The following OCA2 variants were observed in gnomAD, a reference collection of about 807,000 sequenced individuals.
OCA2 encodes the protein P protein.
Under a neutral mutation model 100.2 loss-of-function variants are expected in OCA2, and 77 were observed. The observed-to-expected ratio is 0.77, with a 90% confidence interval of 0.64 to 0.93. The LOEUF (loss-of-function observed/expected upper bound fraction) is 0.93. Ranked by LOEUF, OCA2 falls within the 40% of genes least tolerant of loss-of-function variation. The pLI, the probability that OCA2 is intolerant of heterozygous loss-of-function variation, is 0.00. For synonymous variants in OCA2, 432 were observed against 439.2 expected, an observed-to-expected ratio of 0.98 and a Z score of 0.21; for missense variants, 1,062 against 1,089.1, an observed-to-expected ratio of 0.98 and a Z score of 0.35.
chr15:28,051,656 G>A (rs1325408563), intron 2 of OCA2, among the ~76,000 whole-genome samples: 1 of 145,324 alleles, frequency 6.9e-6, no homozygotes, highest in African/African-American at 2.6e-5. Context: ...TGCCCAGGCT[G>A]GAGTGTAGTG....
At chr15:27,750,138 C>T (rs1340223231), downstream of OCA2, among the ~76,000 whole-genome samples, 1 of 152,182 alleles carries the variant, frequency 6.6e-6, no homozygotes, top group African/African-American at 2.4e-5. Flanking sequence ...TTAGTTGCCT[C>T]AGAAACTGAT....
intron 6 of OCA2, among the ~76,000 whole-genome samples, chr15:28,020,910 G>T (rs2042573422): frequency 6.6e-6 from 1 of 152,128 alleles, no homozygotes; most frequent in African/African-American, 2.4e-5. Context: ...CTGGTGCCCT[G>T]CTGGGTAGGT....
intron 12 of OCA2, 48 bp downstream of exon 12, chr15:27,986,539 T>A: frequency 9.3e-7 from 1 of 1,078,042 alleles, no homozygotes; most frequent in East Asian, 2.4e-5. Context: ...GAAAAATACA[T>A]ATATAAATTA....
At chr15:27,972,820 G>GTTATTTTATTTTATTTTATT (rs200881214) in intron 14 of OCA2, among the ~76,000 whole-genome samples, 2 of 74,380 alleles carry the variant, frequency 2.7e-5, no homozygotes, top group Admixed American at 1.2e-4. Flanking sequence ...TACTTTGATG[G>GTTATTTTATTTTATTTTATT]TTATTTTATT....
chr15:27,822,031 A>G (rs1437959284), intron 23 of OCA2, among the ~76,000 whole-genome samples: 2 of 152,222 alleles, frequency 1.3e-5, no homozygotes, highest in Admixed American at 1.3e-4. Context: ...CAGTCACAGA[A>G]ACAAGTGAGC....
intron 19 of OCA2, among the ~76,000 whole-genome samples, chr15:27,920,940 G>A (rs1244918811): frequency 1.3e-5 from 2 of 151,924 alleles, no homozygotes; most frequent in East Asian, 1.9e-4. Flanking sequence ...CCTATGGGAC[G>A]CAATCAAGCA....
In OCA2 at chr15:28,032,805, A is replaced by C. The variant is rs564141709; in HGVS notation, c.228-642T>G. Among the ~76,000 whole-genome samples, 328 of 151,942 alleles carry C rather than the reference A, an allele frequency of 2.2e-3. 2 individuals are homozygous for C. The highest frequency in any genetic ancestry group is 0.011 in the East Asian group (59 of 5,170). ...GAGACTCTGTCTCAAAAAAAAAAAA[A>C]AAAACAAAACAAAAAAACATTCAGA... On this transcript the variant is annotated intron_variant, in intron 2 of 23. Coordinates refer to ENST00000354638, the MANE Select transcript of OCA2 (RefSeq NM_000275.3).
intron 2 of OCA2, among the ~76,000 whole-genome samples, chr15:28,066,438 TCATTATAC>T (rs1172788938): frequency 2.0e-5 from 3 of 152,088 alleles, no homozygotes; most frequent in African/African-American, 7.2e-5. Context: ...TAGATATGCC[TCATTATAC>T]TCTCCTCCCG....
chr15:27,808,991 C>G (rs1439748965), intron 23 of OCA2, among the ~76,000 whole-genome samples: 1 of 152,146 alleles, frequency 6.6e-6, no homozygotes, highest in Non-Finnish European at 1.5e-5. Flanking sequence ...TTTGACATGA[C>G]CTTCAGAGGC....
chr15:27,961,487 G>A (rs186139939), intron 15 of OCA2, among the ~76,000 whole-genome samples: 86 of 152,262 alleles, frequency 5.6e-4, no homozygotes, highest in Non-Finnish European at 9.0e-4. Context: ...CTACTATAAA[G>A]ACACATGCAC....
intron 19 of OCA2, chr15:27,895,795 T>C (rs2037663074): frequency 2.3e-6 from 1 of 426,014 alleles, no homozygotes; most frequent in Non-Finnish European, 4.4e-6. Context: ...CTGAGTATTA[T>C]GCTTGGAAAT....
intron 13 of OCA2, among the ~76,000 whole-genome samples, chr15:27,983,946 A>G (rs561078860): frequency 5.3e-5 from 8 of 150,192 alleles, no homozygotes; most frequent in African/African-American, 2.0e-4. Flanking sequence ...TTATTCATCT[A>G]TGTATTTTCT....
At chr15:27,769,252 A>T (rs2151024468) in intron 23 of OCA2, among the ~76,000 whole-genome samples, 1 of 152,344 alleles carries the variant, frequency 6.6e-6, no homozygotes, top group Non-Finnish European at 1.5e-5. Flanking sequence ...TTGCGTGTCA[A>T]AGCACAAATC....
At chr15:27,794,713 G>T (rs965041328) in intron 23 of OCA2, among the ~76,000 whole-genome samples, 4 of 151,984 alleles carry the variant, frequency 2.6e-5, no homozygotes, top group African/African-American at 9.7e-5. Context: ...ATGGTGTAGA[G>T]AAGGCCTTTA....
chr15:27,921,605 C>T (rs1198459274), intron 19 of OCA2, among the ~76,000 whole-genome samples: 1 of 152,168 alleles, frequency 6.6e-6, no homozygotes, highest in East Asian at 1.9e-4. Flanking sequence ...GTCGAAAATC[C>T]GTGTATAAAT....
the OCA2 span, among the ~76,000 whole-genome samples, chr15:27,747,683 ACT>A: frequency 1.3e-5 from 2 of 152,154 alleles, no homozygotes; most frequent in Admixed American, 6.5e-5. Context: ...CCTAAAACTA[ACT>A]CTCTCCAATT....
At chr15:27,721,461 T>C in the OCA2 span, among the ~76,000 whole-genome samples, 1 of 152,212 alleles carries the variant, frequency 6.6e-6, no homozygotes, top group Admixed American at 6.5e-5. Context: ...ACAATATTAT[T>C]TTAATGAGTA....
intron 23 of OCA2, among the ~76,000 whole-genome samples, chr15:27,820,427 T>A (rs573798734): frequency 2.4e-4 from 36 of 152,188 alleles, no homozygotes; most frequent in Non-Finnish European, 3.5e-4. Context: ...TCTGCACTCA[T>A]TCTCCCCCAG....
At chr15:28,074,287 C>T (rs1393453766) in intron 2 of OCA2, among the ~76,000 whole-genome samples, 2 of 152,080 alleles carry the variant, frequency 1.3e-5, no homozygotes, top group Non-Finnish European at 2.9e-5. Context: ...GCCTGTAATC[C>T]CAGCACTTTG....
Sources: gnomAD v4.1 joint callset for allele counts (sites outside exome capture counted in the v4.1 genomes callset) on GRCh38, gnomAD v4.1.1 for gene constraint, MANE v1.5 for transcripts, NCBI Gene and HGNC (gene_info 2026-07-23, HGNC 2026-07-21) for gene names.